FSAF1: variants seen among roughly 807,000 people sequenced by gnomAD.
FSAF1 encodes 40S small subunit processome assembly factor 1.
At chr1:231,235,647 T>A in the FSAF1 span, among the ~76,000 whole-genome samples, 1 of 152,004 alleles carries the variant, frequency 6.6e-6, no homozygotes, top group African/African-American at 2.4e-5. Context: ...CTACAAAAAA[T>A]TTTAAAATGA....
the FSAF1 span, chr1:231,224,107 G>T: frequency 1.4e-6 from 1 of 722,906 alleles, no homozygotes; most frequent in Non-Finnish European, 2.1e-6. Context: ...TCAGCACCAT[G>T]AAGCAGACAC....
At chr1:231,232,940 A>G in the FSAF1 span, among the ~76,000 whole-genome samples, 1 of 152,220 alleles carries the variant, frequency 6.6e-6, no homozygotes, top group Non-Finnish European at 1.5e-5. Context: ...GGCTGTATGA[A>G]TATTAAGAAG....
At chr1:231,239,068 A>G in the FSAF1 span, 1 of 1,614,180 alleles carries the variant, frequency 6.2e-7, no homozygotes. Context: ...CTGGCCTCTT[A>G]TGAGAGAACC....
At chr1:231,226,740 A>G in the FSAF1 span, 5 of 1,596,310 alleles carry the variant, frequency 3.1e-6, no homozygotes, top group South Asian at 1.1e-5. Flanking sequence ...CACACCTACC[A>G]GTCTCTTTTC....
the FSAF1 span, chr1:231,229,334 G>T: frequency 1.9e-6 from 1 of 532,054 alleles, no homozygotes; most frequent in Non-Finnish European, 3.2e-6. Context: ...ACTGGCTACT[G>T]TCCAAAAACC....
chr1:231,227,010 A>T, the FSAF1 span: 3 of 1,614,022 alleles, frequency 1.9e-6, no homozygotes, highest in South Asian at 3.3e-5. Context: ...CTGTTCCAGG[A>T]TTCTCTCCTT....
the FSAF1 span, chr1:231,224,653 C>T: frequency 2.1e-6 from 1 of 477,680 alleles, no homozygotes. Flanking sequence ...TCCAGGCTGC[C>T]CCTCTTCTTT....
chr1:231,231,873 A>G, the FSAF1 span, among the ~76,000 whole-genome samples: 1 of 152,152 alleles, frequency 6.6e-6, no homozygotes, highest in Non-Finnish European at 1.5e-5. Flanking sequence ...GACTAGACCA[A>G]GGGGAGGAGA....
the FSAF1 span, chr1:231,238,396 A>T: frequency 1.3e-5 from 2 of 156,320 alleles, no homozygotes; most frequent in African/African-American, 4.8e-5. Context: ...CTAGCACATA[A>T]CAGGAATGCC....
At chr1:231,237,617 A>C in the FSAF1 span, 1 of 152,262 alleles carries the variant, frequency 6.6e-6, no homozygotes, top group African/African-American at 2.4e-5. Flanking sequence ...TCAGAGGCAA[A>C]GGATTCTCCC....
the FSAF1 span, chr1:231,237,593 G>T: frequency 6.6e-6 from 1 of 152,264 alleles, no homozygotes; most frequent in African/African-American, 2.4e-5. Context: ...GAAACTGTTA[G>T]AGCTACCTTC....
the FSAF1 span, chr1:231,227,100 G>T: frequency 6.2e-7 from 1 of 1,604,100 alleles, no homozygotes; most frequent in South Asian, 1.1e-5. Flanking sequence ...AGACGCAAGT[G>T]CATTCCAACA....
chr1:231,223,888 A>G, the FSAF1 span: 1 of 157,324 alleles, frequency 6.4e-6, no homozygotes, highest in Admixed American at 6.5e-5. Context: ...TTCTTTCATG[A>G]TATCATAACA....
chr1:231,229,253 T>C, the FSAF1 span: 1 of 1,249,990 alleles, frequency 8.0e-7, no homozygotes, highest in South Asian at 1.4e-5. Context: ...TACTATATCA[T>C]TATAGTATCT....
At chr1:231,226,581 A>T in the FSAF1 span, 1 of 687,034 alleles carries the variant, frequency 1.5e-6, no homozygotes, top group South Asian at 1.8e-5. Context: ...CTTGGCTGGT[A>T]TTACTAAACA....
At chr1:231,224,397 G>A in the FSAF1 span, 24 of 1,603,796 alleles carry the variant, frequency 1.5e-5, no homozygotes, top group Admixed American at 1.8e-5. Context: ...ACTGGGAGCG[G>A]ACTTCTTTTT....
chr1:231,230,854 T>C, the FSAF1 span, among the ~76,000 whole-genome samples: 1 of 152,196 alleles, frequency 6.6e-6, no homozygotes, highest in East Asian at 1.9e-4. Flanking sequence ...TAAAGTGTGA[T>C]AAGTGTGTGG....
At chr1:231,230,621 C>T in the FSAF1 span, among the ~76,000 whole-genome samples, 1 of 152,170 alleles carries the variant, frequency 6.6e-6, no homozygotes, top group Non-Finnish European at 1.5e-5. Flanking sequence ...ACAATGGAGT[C>T]CACTTGCTCT....
the FSAF1 span, chr1:231,226,969 T>C: frequency 1.9e-6 from 3 of 1,614,156 alleles, no homozygotes; most frequent in Non-Finnish European, 2.5e-6. Context: ...CAGCAGCCCC[T>C]CACCTTAGCG....
Sources: gnomAD v4.1 joint callset for allele counts (sites outside exome capture counted in the v4.1 genomes callset) on GRCh38, gnomAD v4.1.1 for gene constraint, MANE v1.5 for transcripts, NCBI Gene and HGNC (gene_info 2026-07-23, HGNC 2026-07-21) for gene names.